IGF2BP3: variants seen among roughly 807,000 people sequenced by gnomAD.
IGF2BP3 encodes insulin like growth factor 2 mRNA binding protein 3.
Under a neutral mutation model 73.8 loss-of-function variants are expected in IGF2BP3, and 9 were observed. The ratio of observed to expected loss-of-function variants is 0.12; its 90% CI spans 0.07 to 0.21. The LOEUF is 0.21. Ranked by LOEUF, IGF2BP3 falls within the 10% of genes least tolerant of loss-of-function variation. IGF2BP3 has a pLI of 1.00. For synonymous variants in IGF2BP3, 258 were observed against 256.7 expected, an observed-to-expected ratio of 1.01 and a Z score of -0.05; for missense variants, 542 against 714.0, an observed-to-expected ratio of 0.76 and a Z score of 2.75.
intron 5 of IGF2BP3, among the ~76,000 whole-genome samples, chr7:23,356,418 G>A (rs951820529): frequency 2.6e-5 from 4 of 152,182 alleles, no homozygotes; most frequent in Admixed American, 2.0e-4. Flanking sequence ...TTAGCTGGGT[G>A]TAGTGGCACA....
At chr7:23,443,377 G>A (rs959427435) in intron 2 of IGF2BP3, among the ~76,000 whole-genome samples, 11 of 151,868 alleles carry the variant, frequency 7.2e-5, no homozygotes, top group East Asian at 1.9e-4. Flanking sequence ...CACCTGCCTC[G>A]GCCTCCCAAA....
Position 23,329,851 on chromosome 7 carries a change from C to A in IGF2BP3, c.1204-10597G>T, listed in dbSNP as rs186296283. On this transcript the variant is annotated intron_variant, in intron 10 of 14. Transcript: ENST00000258729. Reference sequence around the variant, plus strand: ...CATTCTCATTTTAGAATTGAAAAAACTGAGCCAGAGAGGTTAAGTTATTTG... The same window carrying A: ...CATTCTCATTTTAGAATTGAAAAAAATGAGCCAGAGAGGTTAAGTTATTTG... Among the ~76,000 whole-genome samples, 20 of 152,292 alleles carry A rather than the reference C, an allele frequency of 1.3e-4. No homozygotes were observed. The East Asian group carries it at 3.7e-3, about 28-fold the overall frequency.
At position 23,343,774 on chromosome 7, in the gene IGF2BP3, C is replaced by T. The variant is rs1235431545; in HGVS notation, c.1021G>A (p.Glu341Lys). 1.2e-6 allele frequency: 2 copies of T among 1,612,964 alleles called. No homozygotes were observed. The highest frequency in any genetic ancestry group is 1.7e-5 in the Admixed American group (1 of 59,990). Residue 341 changes from glutamate (E) to lysine (K), a missense_variant, in exon 9 of 15, where the codon GAG becomes AAG. By Grantham distance (56) the Glu-to-Lys change is moderately conservative (BLOSUM62 1). Coordinates refer to ENST00000258729, the MANE Select transcript of IGF2BP3 (RefSeq NM_006547.3). ...TCCCTGATTTTCTTCATGATCTCCT[C>T]CTCAGCTTTGGCACATGTCTCAACA... ...GNVETCAKAE[E>K]EIMKKIRESY...
At chr7:23,322,782 A>C (rs1182643901) in intron 10 of IGF2BP3, among the ~76,000 whole-genome samples, 1 of 152,212 alleles carries the variant, frequency 6.6e-6, no homozygotes, top group East Asian at 1.9e-4. Context: ...TTCTTAAAGA[A>C]AAGAATTTTC....
Position 23,401,024 on chromosome 7 carries a change from C to T in IGF2BP3, c.285+17752G>A, listed in dbSNP as rs1323285187. Among the ~76,000 whole-genome samples the T allele has an allele frequency of 2.0e-5, 3 of 152,156 alleles. No individual in the cohort carries two copies. The East Asian group carries it at 5.8e-4, about 29-fold the overall frequency. ...CCATGTTGCCCAGGTTGGTCTCAAA[C>T]TCCTGACCTCAAGTGACCTGCCTGC... On this transcript the variant is annotated intron_variant, in intron 3 of 14. Coordinates refer to ENST00000258729, the MANE Select transcript of IGF2BP3 (RefSeq NM_006547.3).
intron 3 of IGF2BP3, among the ~76,000 whole-genome samples, chr7:23,407,192 A>G (rs185420138): frequency 1.3e-5 from 2 of 151,464 alleles, no homozygotes; most frequent in Admixed American, 6.6e-5. Context: ...AAAAAAAAAA[A>G]AAAAGAAAAA....
chr7:23,336,765 T>C (rs1251075670), intron 10 of IGF2BP3, among the ~76,000 whole-genome samples: 1 of 152,096 alleles, frequency 6.6e-6, no homozygotes, highest in African/African-American at 2.4e-5. Flanking sequence ...CTGGCAAACA[T>C]GGTAAAACCC....
intron 2 of IGF2BP3, among the ~76,000 whole-genome samples, chr7:23,447,318 A>G (rs1002477058): frequency 6.6e-6 from 1 of 151,964 alleles, no homozygotes; most frequent in African/African-American, 2.4e-5. Flanking sequence ...ACTCCTCAAA[A>G]ACAGGAAAGT....
At chr7:23,426,889 T>C (rs1787526543) in intron 2 of IGF2BP3, among the ~76,000 whole-genome samples, 2 of 152,238 alleles carry the variant, frequency 1.3e-5, no homozygotes, top group East Asian at 3.8e-4. Context: ...CTTCTGTGTT[T>C]TTTAGCCAGA....
At chr7:23,335,331 G>A (rs761948356) in intron 10 of IGF2BP3, among the ~76,000 whole-genome samples, 12 of 151,226 alleles carry the variant, frequency 7.9e-5, no homozygotes, top group Non-Finnish European at 1.8e-4. Flanking sequence ...CACCCAGGCT[G>A]GAGTGCAGTG....
chr7:23,346,124 A>C, intron 7 of IGF2BP3, 62 bp from the exon 8 acceptor site: 1 of 1,538,132 alleles, frequency 6.5e-7, no homozygotes. Flanking sequence ...GTAAAAAGAC[A>C]ATATTCACTC....
rs1327427540 is a variant in IGF2BP3 at position 23,311,524 on chromosome 7, A to G, written c.*838T>C. 2 of 152,414 alleles carry G rather than the reference A, an allele frequency of 1.3e-5. No homozygotes were observed. The highest frequency in any genetic ancestry group is 2.9e-5 in the Non-Finnish European group (2 of 68,040). 9.4% of individuals were successfully genotyped at this position (152,414 alleles called of 1,614,324 possible). On this transcript the variant is annotated 3_prime_UTR_variant, in exon 15 of 15. Transcript: ENST00000258729. ...AACTATAAATGAAAGAATAAATGGTAGTGCTGCTCTCCAGATACTAGGCAC... is the reference window on the plus strand; with the variant it reads ...AACTATAAATGAAAGAATAAATGGTGGTGCTGCTCTCCAGATACTAGGCAC...
In IGF2BP3 at chr7:23,351,455, C is replaced by G; in HGVS notation, c.533G>C (p.Gly178Ala). The change falls in exon 6 of 15, where the codon GGC becomes GCC. Residue 178 changes from glycine (G) to alanine (A), a missense_variant. This residue lies in a region of IGF2BP3 where 239 missense variants were observed against 241.9 expected (regional missense o/e 0.99). Coordinates refer to ENST00000258729, the MANE Select transcript of IGF2BP3 (RefSeq NM_006547.3). ...PRGRRGLGQR[G>A]SSRQGSPGSV... is the part of the protein sequence containing the mutation. ...TCCTGGAGACCCCTGCCTTGAGGAG[C>G]CCCTCTGCCCAAGCCCCCGGCGACC... 6.2e-7 allele frequency: 1 copy of G among 1,613,564 alleles called. No individual in the cohort carries two copies. The highest frequency in any genetic ancestry group is 8.5e-7 in the Non-Finnish European group (1 of 1,179,786).
chr7:23,460,217 C>T (rs1788416925), intron 2 of IGF2BP3, among the ~76,000 whole-genome samples: 1 of 135,000 alleles, frequency 7.4e-6, no homozygotes, highest in Non-Finnish European at 1.6e-5. Flanking sequence ...AGTGAGCTCA[C>T]ACTCACCAGA....
At position 23,332,783 on chromosome 7, in the gene IGF2BP3, G is replaced by T. The variant is rs1044672345; in HGVS notation, c.1203+9281C>A. Among the ~76,000 whole-genome samples, 5 of 152,014 alleles carry T rather than the reference G, an allele frequency of 3.3e-5. No individual in the cohort carries two copies. In the East Asian group the frequency reaches 9.6e-4, roughly 29 times the overall value. On this transcript the variant is annotated intron_variant, in intron 10 of 14. Coordinates refer to ENST00000258729, the MANE Select transcript of IGF2BP3 (RefSeq NM_006547.3). ...GACCAAGTGAATTAATGCCAACACTGACTATCAACTGTGCTCAATGTTAGC... is the reference window on the plus strand; with the variant it reads ...GACCAAGTGAATTAATGCCAACACTTACTATCAACTGTGCTCAATGTTAGC...
intron 2 of IGF2BP3, among the ~76,000 whole-genome samples, chr7:23,462,116 G>C (rs540649586): frequency 2.0e-5 from 3 of 152,224 alleles, no homozygotes; most frequent in African/African-American, 7.2e-5. Context: ...GCCCAGTTTA[G>C]TAATGGACCT....
chr7:23,364,880 T>C (rs1200687632), intron 3 of IGF2BP3, among the ~76,000 whole-genome samples: 1 of 150,840 alleles, frequency 6.6e-6, no homozygotes, highest in Non-Finnish European at 1.5e-5. Context: ...AAATATAGCT[T>C]TTAGGACCAG....
intron 3 of IGF2BP3, 32 bp from the exon 4 acceptor site, chr7:23,361,773 T>C: frequency 6.3e-7 from 1 of 1,574,980 alleles, no homozygotes; most frequent in Non-Finnish European, 8.6e-7. Context: ...ATTATAAATT[T>C]TGAGTTTCCC....
intron 2 of IGF2BP3, among the ~76,000 whole-genome samples, chr7:23,425,830 G>T (rs1787492152): frequency 6.6e-6 from 1 of 152,016 alleles, no homozygotes; most frequent in African/African-American, 2.4e-5. Flanking sequence ...CTGGCATAGT[G>T]GTGCATGCTT....
Sources: gnomAD v4.1 joint callset for allele counts (sites outside exome capture counted in the v4.1 genomes callset) on GRCh38, gnomAD v4.1.1 for gene constraint, gnomAD v4.1.1 regional missense constraint, MANE v1.5 for transcripts, NCBI Gene and HGNC (gene_info 2026-07-23, HGNC 2026-07-21) for gene names.